The following GPC4 variants were observed in gnomAD, a reference collection of about 807,000 sequenced individuals.
GPC4 encodes glypican 4.
GPC4 carries 10 observed loss-of-function variants against 35.0 expected under a neutral mutation model. The ratio of observed to expected loss-of-function variants is 0.29; its 90% CI spans 0.18 to 0.48. The LOEUF (loss-of-function observed/expected upper bound fraction) is 0.48, where lower values mean the gene tolerates loss of function less well. GPC4 is among the 20% of genes least tolerant of loss of function. The pLI is 0.99. For synonymous variants in GPC4, 167 were observed against 170.2 expected (o/e 0.98, Z 0.15); for missense variants, 322 against 451.3 (o/e 0.71, Z 2.60).
intron 1 of GPC4, among the ~76,000 whole-genome samples, chrX:133,372,882 T>C (rs779561652): frequency 3.6e-5 from 4 of 112,197 alleles, no homozygotes; most frequent in African/African-American, 1.3e-4. Context: ...GATGTGAACA[T>C]ATGCTGTGCC....
chrX:133,408,459 G>A (rs2068798929), intron 1 of GPC4, among the ~76,000 whole-genome samples: 1 of 112,195 alleles, frequency 8.9e-6, no homozygotes, highest in African/African-American at 3.2e-5. Flanking sequence ...AAAATTCCTG[G>A]CCAGTGCAGT....
chrX:133,342,137 A>T (rs1459447031), intron 1 of GPC4, among the ~76,000 whole-genome samples: 2 of 105,991 alleles, frequency 1.9e-5, no homozygotes, highest in Non-Finnish European at 3.9e-5. Flanking sequence ...CCTGGGTTCA[A>T]GGGATTCTCG....
At chrX:133,349,409 G>A (rs2068507050) in intron 1 of GPC4, among the ~76,000 whole-genome samples, 2 of 112,338 alleles carry the variant, frequency 1.8e-5, no homozygotes, top group Admixed American at 1.9e-4. Context: ...GAAGATCCTG[G>A]GAATCTCATT....
rs2068265901 is a variant in GPC4 at position 133,301,208 on chromosome X, T to C, written c.*1659A>G. ...GAGCTATCAAGTAATTATGTTTCAA[T>C]ATAAAAATAGAGAATTACTCTTACA... On this transcript the variant is annotated 3_prime_UTR_variant, in exon 9 of 9. Transcript: ENST00000370828. 1 of 112,707 alleles carries C rather than the reference T, an allele frequency of 8.9e-6. No individual in the cohort carries two copies. Among genetic ancestry groups the C allele is most frequent in the African/African-American group, 3.2e-5 (1 of 30,956 alleles). 9.3% of individuals were successfully genotyped at this position (112,707 alleles called of 1,213,427 possible).
chrX:133,357,270 G>A (rs918402645), intron 1 of GPC4, among the ~76,000 whole-genome samples: 4 of 108,352 alleles, frequency 3.7e-5, no homozygotes, highest in African/African-American at 1.0e-4. Flanking sequence ...TGTAGTTCCA[G>A]CTACTCGGGA....
At chrX:133,398,660 C>T (rs368305230) in intron 1 of GPC4, among the ~76,000 whole-genome samples, 2 of 108,503 alleles carry the variant, frequency 1.8e-5, no homozygotes, top group African/African-American at 6.7e-5. Flanking sequence ...CCCAGTTACT[C>T]GGGAGGCTGA....
At chrX:133,398,348 C>T (rs2068753297) in intron 1 of GPC4, among the ~76,000 whole-genome samples, 1 of 111,222 alleles carries the variant, frequency 9.0e-6, no homozygotes, top group Admixed American at 9.6e-5. Context: ...CCCAGAAACA[C>T]TGGGATGTCA....
chrX:133,344,677 T>C lies in GPC4; in HGVS notation c.161-5336A>G, dbSNP rs956101006. Among the ~76,000 whole-genome samples the C allele has an allele frequency of 3.6e-5, 4 of 111,502 alleles. No individual in the cohort carries two copies. The East Asian group carries it at 8.5e-4, about 24-fold the overall frequency. On this transcript the variant is annotated intron_variant, in intron 1 of 8. Transcript: ENST00000370828. ...TAGAGGAATACCGGTAGTTACCACT[T>C]AGGGGTCAGCTTTCTTTCTGTACCT... is the stretch of plus-strand genomic sequence containing the variant.
chrX:133,359,144 T>C (rs1446113033), intron 1 of GPC4, among the ~76,000 whole-genome samples: 1 of 111,241 alleles, frequency 9.0e-6, no homozygotes, highest in African/African-American at 3.3e-5. Flanking sequence ...ACAGCAATAT[T>C]AAATTTAACA....
At chrX:133,354,078 C>A (rs1023993201) in intron 1 of GPC4, among the ~76,000 whole-genome samples, 16 of 111,964 alleles carry the variant, frequency 1.4e-4, no homozygotes, top group Admixed American at 1.4e-3. Flanking sequence ...GTACCAGGAC[C>A]TTCTGCCAGC....
chrX:133,309,964 G>A (rs1295185083), intron 4 of GPC4, among the ~76,000 whole-genome samples: 1 of 111,960 alleles, frequency 8.9e-6, no homozygotes, highest in Non-Finnish European at 1.9e-5. Flanking sequence ...TTTTCTGTGT[G>A]TAGAAGATTT....
At chrX:133,403,664 G>A (rs954622830) in intron 1 of GPC4, among the ~76,000 whole-genome samples, 2 of 109,544 alleles carry the variant, frequency 1.8e-5, no homozygotes, top group Admixed American at 9.8e-5. Context: ...GGGATACATG[G>A]TTTCTCAGAT....
In GPC4 at chrX:133,308,985, A is replaced by AG. The variant is rs763978953; in HGVS notation, c.877+2272dup. Among the ~76,000 whole-genome samples the AG allele has an allele frequency of 2.7e-5, 3 of 109,094 alleles. No homozygotes were observed. The East Asian group carries it at 8.6e-4, about 31-fold the overall frequency. 94.7% of individuals were successfully genotyped at this position (109,094 alleles called of 115,157 possible). The stretch of plus-strand genomic sequence containing the variant: ...GGGGAAAGAAAAATTCCTTGCAAAC[A>AG]GAAAAAAAAAAAAAGAGAGAGAGAC... On this transcript the variant is annotated intron_variant, in intron 4 of 8. Coordinates refer to ENST00000370828, the MANE Select transcript of GPC4 (RefSeq NM_001448.3).
intron 1 of GPC4, among the ~76,000 whole-genome samples, chrX:133,362,867 T>G (rs2068575212): frequency 8.9e-6 from 1 of 112,111 alleles, no homozygotes; most frequent in African/African-American, 3.2e-5. Flanking sequence ...CTGGGCTCCC[T>G]CAAGCTCCCA....
chrX:133,381,402 G>A (rs750952684), intron 1 of GPC4, among the ~76,000 whole-genome samples: 18 of 112,076 alleles, frequency 1.6e-4, no homozygotes, highest in African/African-American at 5.5e-4. Context: ...GCAGGAAACC[G>A]CAACCAGCTG....
chrX:133,321,184 C>G (rs999225040), intron 3 of GPC4, among the ~76,000 whole-genome samples: 6 of 112,233 alleles, frequency 5.3e-5, no homozygotes, highest in African/African-American at 1.6e-4. Flanking sequence ...CTGAGAACGA[C>G]GTCCAGAAGA....
At chrX:133,334,891 C>T (rs2068435336) in intron 2 of GPC4, among the ~76,000 whole-genome samples, 1 of 112,407 alleles carries the variant, frequency 8.9e-6, no homozygotes, top group Admixed American at 9.4e-5. Context: ...AATGACATTA[C>T]TTCATAGCTG....
chrX:133,408,240 A>G (rs2068797917), intron 1 of GPC4, among the ~76,000 whole-genome samples: 1 of 112,382 alleles, frequency 8.9e-6, no homozygotes, highest in South Asian at 3.7e-4. Flanking sequence ...TTATTTATAT[A>G]AAATATTCTG....
chrX:133,312,572 C>G (rs1189840661), intron 3 of GPC4, among the ~76,000 whole-genome samples: 5 of 106,858 alleles, frequency 4.7e-5, no homozygotes, highest in Admixed American at 1.0e-4. Context: ...GAGGTTGCAG[C>G]GAGCCGAGAT....
Sources: allele counts gnomAD v4.1 joint callset (sites outside exome capture counted in the v4.1 genomes callset), GRCh38; gene constraint gnomAD v4.1.1; transcripts MANE v1.5; gene names NCBI Gene and HGNC (gene_info 2026-07-23, HGNC 2026-07-21).